Variants in MYH7 observed in about 807,000 individuals in gnomAD.
The protein encoded by MYH7 is myosin-7.
A neutral mutation model predicts 225.4 loss-of-function variants in MYH7; 129 were observed. The ratio of observed to expected loss-of-function variants is 0.57; its 90% CI spans 0.50 to 0.66. The LOEUF (loss-of-function observed/expected upper bound fraction) is 0.66, where lower values mean the gene tolerates loss of function less well. Among genes scored for constraint, MYH7 ranks in the 30% least tolerant of loss-of-function variants. MYH7 has a pLI of 0.00. For missense variants in MYH7, 1,649 were observed against 2,517.0 expected, an observed-to-expected ratio of 0.66 and a Z score of 7.38; for synonymous variants, 971 against 1,007.6, an observed-to-expected ratio of 0.96 and a Z score of 0.69.
intron 30 of MYH7, 175 bp downstream of exon 30, chr14:23,418,035 T>A (rs1892299278): frequency 3.8e-6 from 4 of 1,046,520 alleles, no homozygotes; most frequent in Non-Finnish European, 6.0e-6. Context: ...ATCAGAAACA[T>A]AATTCGAGCA....
In MYH7 at chr14:23,423,948, G is replaced by C. The variant is rs1427382792; in HGVS notation, c.2881C>G (p.Leu961Val). 1.9e-6 allele frequency: 3 copies of C among 1,614,160 alleles called. No homozygotes were observed. The highest frequency in any genetic ancestry group is 8.5e-7 in the Non-Finnish European group (1 of 1,180,040). ...KRDIDDLELT[L>V]AKVEKEKHAT... ...TGTTTCTCCTTCTCCACTTTGGCCA[G>C]TGTCAGCTCCAGATCATCGATGTCC... The change falls in exon 23 of 40, where the codon CTG (leucine) becomes GTG (valine). Residue 961 changes from leucine (L) to valine (V), a missense_variant. Transcript: ENST00000355349.
rs1177888499 is a variant in MYH7 at position 23,426,758 on chromosome 14, C to G, written c.2044+19G>C. On this transcript the variant is annotated intron_variant, in intron 18 of 39. Transcript: ENST00000355349. ...CGGTGTATGCCCAGCAGTGGGTTGG[C>G]CTGAGTTTGTGGCCTCACCTGGAGA... The G allele has an allele frequency of 6.2e-7, 1 of 1,611,214 alleles. No homozygotes were observed. The highest frequency in any genetic ancestry group is 2.2e-5 in the East Asian group (1 of 44,860).
chr14:23,431,324 CAGAG>C (rs1255008318), intron 9 of MYH7, 90 bp downstream of exon 9: 1 of 1,276,080 alleles, frequency 7.8e-7, no homozygotes, highest in Non-Finnish European at 1.1e-6. Context: ...AGGAGAAAAA[CAGAG>C]GGAGGGAGGG....
Position 23,415,415 on chromosome 14 carries a change from T to TTCCTGCAC in MYH7, c.5241_5248dup (p.Asn1750SerfsTer18). 6.2e-7 allele frequency: 1 copy of TTCCTGCAC among 1,614,236 alleles called. No homozygotes were observed. Among genetic ancestry groups the TTCCTGCAC allele is most frequent in the Non-Finnish European group, 8.5e-7 (1 of 1,180,052 alleles). On this transcript the variant is annotated frameshift_variant, in exon 36 of 40. Transcript: ENST00000355349. LOFTEE classifies it high-confidence loss of function. This position sits in a 1 kb window ranked among gnomAD's most constrained non-coding sequence, Gnocchi z 6.3. The stretch of plus-strand genomic sequence containing the variant: ...GGCCTTCTTGGCCTTCTCCTCAGCA[T>TTCCTGCAC]TCCTGCACTCCTGCACTGCCTCCTC...
Position 23,433,084 on chromosome 14 carries a change from G to T in MYH7, c.345C>A (p.Tyr115Ter). 6.2e-7 allele frequency: 1 copy of T among 1,614,144 alleles called. No homozygotes were observed. Among genetic ancestry groups the T allele is most frequent in the South Asian group, 1.1e-5 (1 of 91,080 alleles). ...LKDRYGSWMI[Y>*]TYSGLFCVTV... ...ACGTAGGGCCAGGTGCAGCACTCACGTAGATCATCCAGGAGCCGTAGCGAT... is the reference window on the plus strand; with the variant it reads ...ACGTAGGGCCAGGTGCAGCACTCACTTAGATCATCCAGGAGCCGTAGCGAT... Residue 115 changes from tyrosine to a stop codon, truncating the protein, a stop_gained and splice_region_variant, in exon 4 of 40, where the codon TAC becomes TAA. Coordinates refer to ENST00000355349, the MANE Select transcript of MYH7 (RefSeq NM_000257.4). LOFTEE classifies it high-confidence loss of function. This position sits in a 1 kb window ranked among gnomAD's most constrained non-coding sequence, Gnocchi z 4.1.
chr14:23,412,924 G>A, intron 39 of MYH7, 53 bp from the exon 40 acceptor site: 1 of 1,593,216 alleles, frequency 6.3e-7, no homozygotes, highest in Admixed American at 1.7e-5. Context: ...GTATTGGGCA[G>A]GGACAGGGCA....
intron 15 of MYH7, 93 bp downstream of exon 15, chr14:23,428,407 A>T: frequency 6.3e-7 from 1 of 1,584,946 alleles, no homozygotes; most frequent in African/African-American, 1.3e-5. Context: ...TTCTATTTTT[A>T]TATTCCCCAG....
intron 25 of MYH7, chr14:23,421,760 C>A: frequency 1.0e-6 from 1 of 985,454 alleles, no homozygotes; most frequent in Non-Finnish European, 1.2e-6. Flanking sequence ...TGGCCCTGAT[C>A]CCCTGACTTC....
At position 23,422,303 on chromosome 14, in the gene MYH7, T is replaced by C; in HGVS notation, c.3122A>G (p.Glu1041Gly). 9 of 1,614,200 alleles carry C rather than the reference T, an allele frequency of 5.6e-6. No homozygotes were observed. Among genetic ancestry groups the C allele is most frequent in the Non-Finnish European group, 7.6e-6 (9 of 1,180,048 alleles). ...VDDLEGSLEQ[E>G]KKVRMDLERA... is the part of the protein sequence containing the mutation. Reference sequence around the variant, plus strand: ...CTCCAGGTCCATGCGCACCTTCTTCTCTTGCTCCAGGGATCCTTCCAGCTG... The same window carrying C: ...CTCCAGGTCCATGCGCACCTTCTTCCCTTGCTCCAGGGATCCTTCCAGCTG... Residue 1041 changes from glutamate (E) to glycine (G), a missense_variant, in exon 25 of 40, where the codon GAG (glutamate) becomes GGG (glycine). Around this residue, in one of 12 missense-constraint regions of MYH7, gnomAD observed 282 missense variants for 315.3 expected, o/e 0.89. Transcript: ENST00000355349.
At chr14:23,413,297 G>C (rs997669103) in intron 39 of MYH7, among the ~76,000 whole-genome samples, 11 of 152,210 alleles carry the variant, frequency 7.2e-5, no homozygotes, top group African/African-American at 1.9e-4. Flanking sequence ...ACTTAGAGCT[G>C]AGCTGGGAGT....
chr14:23,427,802 C>T lies in MYH7; in HGVS notation c.1671G>A (p.Leu557=), dbSNP rs149386750. Residue 557 remains leucine, a synonymous_variant, in exon 16 of 40, where the codon CTG becomes CTA. Coordinates refer to ENST00000355349, the MANE Select transcript of MYH7 (RefSeq NM_000257.4). ...GCTTCTGGAAGTTGGCGGATTTGCC[C>T]AGGTGGTTGTCAAACAGCTTGGCCT... ...TFKAKLFDNH[L]GKSANFQKPR... The T allele has an allele frequency of 1.2e-4, 201 of 1,614,030 alleles. No homozygotes were observed. The highest frequency in any genetic ancestry group is 1.7e-4 in the Non-Finnish European group (197 of 1,180,042).
intron 31 of MYH7, 87 bp from the exon 32 acceptor site, chr14:23,417,405 T>C: frequency 1.2e-6 from 2 of 1,611,514 alleles, no homozygotes; most frequent in South Asian, 2.2e-5. Context: ...GGCTCAGCCC[T>C]CCTCCCCCAC....
intron 33 of MYH7, among the ~76,000 whole-genome samples, 165 bp downstream of exon 33, chr14:23,416,699 GTCAT>G (rs1331117644): frequency 6.6e-6 from 1 of 152,230 alleles, no homozygotes; most frequent in African/African-American, 2.4e-5. Flanking sequence ...TCAGTGACTG[GTCAT>G]TCATTCACTC....
At position 23,429,169 on chromosome 14, in the gene MYH7, C is replaced by T. The variant is rs1278407462; in HGVS notation, c.1257+60G>A. The stretch of plus-strand genomic sequence containing the variant: ...TGGGAAGAGTGAACTTGAAAACTCT[C>T]ATCCCACCATGCCAGTCTCCCTACC... On this transcript the variant is annotated intron_variant, in intron 13 of 39. Coordinates refer to ENST00000355349, the MANE Select transcript of MYH7 (RefSeq NM_000257.4). 39 of 1,614,014 alleles carry T rather than the reference C, an allele frequency of 2.4e-5. 1 individual carries two copies. The East Asian group carries it at 6.5e-4, about 27-fold the overall frequency.
rs1328895339 is a variant in MYH7 at position 23,426,196 on chromosome 14, A to G, written c.2045-115T>C. ...AATCTTAGCAAGTCAGTTAGTAATA[A>G]TCATTTGTTTCATTTTCTTCTAGCC... On this transcript the variant is annotated intron_variant, in intron 18 of 39. Coordinates refer to ENST00000355349, the MANE Select transcript of MYH7 (RefSeq NM_000257.4). 3.3e-6 allele frequency: 4 copies of G among 1,220,980 alleles called. No individual in the cohort carries two copies. In the African/African-American group the frequency reaches 6.1e-5, roughly 18 times the overall value. 75.6% of individuals were successfully genotyped at this position (1,220,980 alleles called of 1,614,324 possible).
At chr14:23,427,203 T>A in intron 17 of MYH7, 37 bp downstream of exon 17, 1 of 1,609,388 alleles carries the variant, frequency 6.2e-7, no homozygotes. Flanking sequence ...GTTGGGCAGA[T>A]GGGGAGCCAA....
At chr14:23,431,275 G>A (rs1793994562) in intron 9 of MYH7, 143 bp downstream of exon 9, 1 of 863,608 alleles carries the variant, frequency 1.2e-6, no homozygotes, top group African/African-American at 1.6e-5. Flanking sequence ...CAGATATGTA[G>A]ACCTGAAGAC....
intron 29 of MYH7, among the ~76,000 whole-genome samples, chr14:23,418,911 C>T (rs771484129): frequency 1.2e-4 from 19 of 152,328 alleles, no homozygotes; most frequent in African/African-American, 2.4e-4. Context: ...TAGCCGTGCC[C>T]GGGCAAGGCC....
chr14:23,419,082 A>G, intron 29 of MYH7, 95 bp downstream of exon 29: 1 of 1,134,520 alleles, frequency 8.8e-7, no homozygotes, highest in Non-Finnish European at 1.3e-6. Context: ...CTGTTGGTCC[A>G]CAGCCAGCCT....
Sources: allele counts gnomAD v4.1 joint callset (sites outside exome capture counted in the v4.1 genomes callset), GRCh38; gene constraint gnomAD v4.1.1; regional missense constraint gnomAD v4.1.1; non-coding constraint Gnocchi (gnomAD v3.1); transcripts MANE v1.5; gene names NCBI Gene and HGNC (gene_info 2026-07-23, HGNC 2026-07-21).